Variants in GTF2A1L observed in about 807,000 individuals in gnomAD.
GTF2A1L encodes the protein TFIIA-alpha and beta-like factor.
A neutral mutation model predicts 49.7 loss-of-function variants in GTF2A1L; 48 were observed. The observed-to-expected ratio is 0.97, with a 90% confidence interval of 0.77 to 1.23. The LOEUF (loss-of-function observed/expected upper bound fraction) is 1.23. Among genes scored for constraint, GTF2A1L ranks in the 50% most tolerant of loss-of-function variants. The pLI is 0.00. For synonymous variants in GTF2A1L, 246 were observed against 193.5 expected, an observed-to-expected ratio of 1.27 and a Z score of -2.25; for missense variants, 736 against 564.8, an observed-to-expected ratio of 1.30 and a Z score of -3.07.
chr2:48,641,303 G>C (rs1524157), intron 3 of GTF2A1L, among the ~76,000 whole-genome samples: 7,157 of 152,134 alleles, frequency 0.047, 558 homozygotes, highest in African/African-American at 0.16. Context: ...ATGAACAGAG[G>C]ATAAAAATAA....
At chr2:48,630,573 T>C (rs1213642081) in intron 3 of GTF2A1L, among the ~76,000 whole-genome samples, 7 of 143,918 alleles carry the variant, frequency 4.9e-5, no homozygotes, top group African/African-American at 1.7e-4. Context: ...AGAGAGATAG[T>C]TTGACTTGTT....
intron 3 of GTF2A1L, among the ~76,000 whole-genome samples, chr2:48,634,767 T>G (rs1676789833): frequency 6.6e-6 from 1 of 152,204 alleles, no homozygotes; most frequent in Non-Finnish European, 1.5e-5. Context: ...GAAGTCTGCT[T>G]TTAGCCTAAA....
chr2:48,634,275 C>A (rs889670329), intron 3 of GTF2A1L, among the ~76,000 whole-genome samples: 1 of 152,094 alleles, frequency 6.6e-6, no homozygotes, highest in Admixed American at 6.6e-5. Flanking sequence ...CCACGCCTGG[C>A]TAATTTTTGT....
chr2:48,653,220 CAAA>C (rs568400398), intron 6 of GTF2A1L, among the ~76,000 whole-genome samples: 30 of 88,138 alleles, frequency 3.4e-4, no homozygotes, highest in Admixed American at 6.1e-4. Context: ...GACTCTGTCT[CAAA>C]AAAAAAAAAA....
At chr2:48,649,658 G>A (rs969807728) in intron 6 of GTF2A1L, among the ~76,000 whole-genome samples, 1 of 152,208 alleles carries the variant, frequency 6.6e-6, no homozygotes, top group Non-Finnish European at 1.5e-5. Context: ...AATGCTCAGT[G>A]CATGTTAGCA....
intron 6 of GTF2A1L, among the ~76,000 whole-genome samples, chr2:48,647,628 G>A (rs932833921): frequency 3.3e-5 from 5 of 150,876 alleles, no homozygotes; most frequent in Non-Finnish European, 5.9e-5. Context: ...ATTCCTATAT[G>A]GAAACTTTTC....
chr2:48,676,999 A>G (rs1318980414), intron 8 of GTF2A1L, among the ~76,000 whole-genome samples: 4 of 151,738 alleles, frequency 2.6e-5, no homozygotes, highest in South Asian at 2.1e-4. Flanking sequence ...TAATGTTAAG[A>G]CATGATTTAT....
chr2:48,655,117 C>T (rs548069181), intron 6 of GTF2A1L, among the ~76,000 whole-genome samples: 48 of 151,856 alleles, frequency 3.2e-4, no homozygotes, highest in African/African-American at 1.1e-3. Flanking sequence ...TTGAGTCTTC[C>T]AATTCATGGA....
intron 3 of GTF2A1L, among the ~76,000 whole-genome samples, chr2:48,640,054 C>G (rs909642143): frequency 6.6e-6 from 1 of 152,116 alleles, no homozygotes; most frequent in Non-Finnish European, 1.5e-5. Flanking sequence ...TGAACAGATA[C>G]TGGTGAGGTT....
chr2:48,647,664 T>G (rs1321283028), intron 6 of GTF2A1L, among the ~76,000 whole-genome samples: 1 of 152,102 alleles, frequency 6.6e-6, no homozygotes, highest in Non-Finnish European at 1.5e-5. Flanking sequence ...ATGTTGCTAG[T>G]AATTTTGTTT....
chr2:48,669,861 T>C lies in GTF2A1L; in HGVS notation c.1118T>C (p.Leu373Pro), dbSNP rs1271223856. 1 of 1,613,908 alleles carries C rather than the reference T, an allele frequency of 6.2e-7. No homozygotes were observed. The highest frequency in any genetic ancestry group is 8.5e-7 in the Non-Finnish European group (1 of 1,179,998). ...AGAGATGCAGATGAGAATGAATTTC[T>C]AGGGAATATTGACGGGGGAGATCTG... ...STRDADENEF[L>P]GNIDGGDLKV... The change falls in exon 7 of 9, where the codon CTA becomes CCA. Residue 373 changes from leucine to proline, a missense_variant. By Grantham distance (98) the Leu-to-Pro change is moderately conservative. Transcript: ENST00000403751.
intron 8 of GTF2A1L, 50 bp from the exon 9 acceptor site, chr2:48,679,285 A>G: frequency 6.3e-7 from 1 of 1,586,166 alleles, no homozygotes; most frequent in African/African-American, 1.4e-5. Context: ...AATGCAGGTG[A>G]TCCTTTAACT....
intron 8 of GTF2A1L, among the ~76,000 whole-genome samples, chr2:48,678,071 T>G (rs1202921794): frequency 6.6e-6 from 1 of 151,850 alleles, no homozygotes; most frequent in African/African-American, 2.4e-5. Context: ...AATAGTTTTA[T>G]TAAATACTTT....
chr2:48,620,031 A>G (rs905343363), intron 1 of GTF2A1L, among the ~76,000 whole-genome samples: 2 of 152,198 alleles, frequency 1.3e-5, no homozygotes, highest in Non-Finnish European at 2.9e-5. Flanking sequence ...TGGAAGTGAG[A>G]TGAGCTTTAA....
At position 48,646,837 on chromosome 2, in the gene GTF2A1L, C is replaced by A. The variant is rs762316646; in HGVS notation, c.773C>A (p.Ser258Tyr). The A allele has an allele frequency of 1.2e-6, 2 of 1,613,924 alleles. No homozygotes were observed. Among genetic ancestry groups the A allele is most frequent in the African/African-American group, 2.7e-5 (2 of 74,924 alleles). Residue 258 changes from serine (S) to tyrosine (Y), a missense_variant, in exon 6 of 9, where the codon TCT becomes TAT. By Grantham distance (144) the Ser-to-Tyr change is moderately radical. Coordinates refer to ENST00000403751, the MANE Select transcript of GTF2A1L (RefSeq NM_006872.5). ...VFSPQVSQTNSNVESVLSGSA... is the reference protein window; with the variant it reads ...VFSPQVSQTNYNVESVLSGSA... ...TCTCCACAGGTCTCTCAAACAAATT[C>A]TAATGTGGAGTCAGTGCTCAGTGGT...
In GTF2A1L at chr2:48,619,973, GTA is replaced by G. The variant is rs202163491; in HGVS notation, c.22-876_22-875del. Among the ~76,000 whole-genome samples the G allele has an allele frequency of 2.7e-3, 417 of 152,326 alleles. 4 individuals are homozygous for G. Among genetic ancestry groups the G allele is most frequent in the African/African-American group, 9.7e-3 (405 of 41,586 alleles). On this transcript the variant is annotated intron_variant, in intron 1 of 8. Coordinates refer to ENST00000403751, the MANE Select transcript of GTF2A1L (RefSeq NM_006872.5). ...GTAGGAAATCCGTTTTGGAACAGGTGTATTTGATAATGGTCCAGAATATATAT... is the reference window on the plus strand; with the variant it reads ...GTAGGAAATCCGTTTTGGAACAGGTGTTTGATAATGGTCCAGAATATATAT...
At chr2:48,662,013 G>A (rs1263613229) in intron 6 of GTF2A1L, among the ~76,000 whole-genome samples, 1 of 151,766 alleles carries the variant, frequency 6.6e-6, no homozygotes, top group Non-Finnish European at 1.5e-5. Flanking sequence ...TTGATTTTTG[G>A]TTTCCCTTCT....
chr2:48,675,763 T>G (rs1679434339), intron 8 of GTF2A1L, among the ~76,000 whole-genome samples: 1 of 151,924 alleles, frequency 6.6e-6, no homozygotes, highest in Admixed American at 6.6e-5. Flanking sequence ...ATAGCTGACT[T>G]TATCCCTTAG....
At chr2:48,632,372 C>G (rs1676627383) in intron 3 of GTF2A1L, 1 of 151,846 alleles carries the variant, frequency 6.6e-6, no homozygotes, top group South Asian at 2.1e-4. Context: ...TTTTAGACAA[C>G]CTACTTGACA....
Sources: gnomAD v4.1 joint callset for allele counts (sites outside exome capture counted in the v4.1 genomes callset) on GRCh38, gnomAD v4.1.1 for gene constraint, MANE v1.5 for transcripts, NCBI Gene and HGNC (gene_info 2026-07-23, HGNC 2026-07-21) for gene names.